The following TUBE1 variants were observed in gnomAD, a reference collection of about 807,000 sequenced individuals.
TUBE1 encodes tubulin epsilon 1.
Under a neutral mutation model 53.5 loss-of-function variants are expected in TUBE1, and 34 were observed. The ratio of observed to expected loss-of-function variants is 0.64; its 90% CI spans 0.48 to 0.85. The LOEUF (loss-of-function observed/expected upper bound fraction) is 0.85. TUBE1 is among the 40% of genes least tolerant of loss of function. The pLI is 0.00. For missense variants in TUBE1, 532 were observed against 570.5 expected (o/e 0.93, Z 0.69); for synonymous variants, 177 against 198.4 (o/e 0.89, Z 0.91).
chr6:112,072,105 G>C, intron 10 of TUBE1, 29 bp from the exon 11 acceptor site: 1 of 1,542,300 alleles, frequency 6.5e-7, no homozygotes. Context: ...ATCTCAGAAG[G>C]TGAGAACTAA....
At chr6:112,079,505 C>CA (rs1248332608) in intron 6 of TUBE1, 128 bp downstream of exon 6, 32 of 831,850 alleles carry the variant, frequency 3.8e-5, no homozygotes, top group Non-Finnish European at 5.6e-5. Flanking sequence ...TTTATATACT[C>CA]AAACTACACA....
Position 112,084,721 on chromosome 6 carries a change from G to C in TUBE1, c.153-475C>G, listed in dbSNP as rs587634818. Among the ~76,000 whole-genome samples, 3 of 152,298 alleles carry C rather than the reference G, an allele frequency of 2.0e-5. No individual in the cohort carries two copies. In the East Asian group the frequency reaches 5.8e-4, roughly 29 times the overall value. On this transcript the variant is annotated intron_variant, in intron 3 of 11. Transcript: ENST00000368662. ...GCATTCCTTTAAACCTAGAACATCT[G>C]ATTTGCAGATTTGTGAGATAAATGA...
At chr6:112,085,625 A>G (rs1554317219) in intron 3 of TUBE1, 1 of 470,518 alleles carries the variant, frequency 2.1e-6, no homozygotes, top group Admixed American at 2.3e-5. Context: ...TATATGACAG[A>G]TATCTCCATA....
intron 3 of TUBE1, 69 bp from the exon 4 acceptor site, chr6:112,084,315 G>A: frequency 1.6e-6 from 2 of 1,282,842 alleles, no homozygotes; most frequent in Non-Finnish European, 2.3e-6. Context: ...AGGTGATAAA[G>A]TTAACTTCCA....
In TUBE1 at chr6:112,085,597, A is replaced by G. The variant is rs989553001; in HGVS notation, c.152+959T>C. On this transcript the variant is annotated intron_variant, in intron 3 of 11. Transcript: ENST00000368662. ...GGTGAGGATATTGTGGGCTACAAAT[A>G]AGAGGGAATCTATAGTCTATATGAC... 46 of 459,522 alleles carry G rather than the reference A, an allele frequency of 1.0e-4. No individual in the cohort carries two copies. The East Asian group carries it at 3.1e-3, about 31-fold the overall frequency. 28.5% of individuals were successfully genotyped at this position (459,522 alleles called of 1,614,324 possible). A position where few individuals can be genotyped will look rare whatever the true frequency, so the allele number is the denominator to read the frequency against.
chr6:112,086,632 T>C lies in TUBE1; in HGVS notation c.100-24A>G, dbSNP rs782360639. 8 of 1,532,832 alleles carry C rather than the reference T, an allele frequency of 5.2e-6. No individual in the cohort carries two copies. The African/African-American group carries it at 8.2e-5, about 16-fold the overall frequency. 95.0% of individuals were successfully genotyped at this position (1,532,832 alleles called of 1,614,324 possible). On this transcript the variant is annotated intron_variant, in intron 2 of 11. Coordinates refer to ENST00000368662, the MANE Select transcript of TUBE1 (RefSeq NM_016262.5). ...TTCTAAAAAGAAAAACATATGTTAA[T>C]AGCATTTAGGTTTTGCTTCTCGCCC...
Position 112,076,523 on chromosome 6 carries a change from T to G in TUBE1, c.449-14A>C, listed in dbSNP as rs1776974073. 6.4e-7 allele frequency: 1 copy of G among 1,560,652 alleles called. No individual in the cohort carries two copies. The highest frequency in any genetic ancestry group is 8.6e-7 in the Non-Finnish European group (1 of 1,156,362). The stretch of plus-strand genomic sequence containing the variant: ...CAGATCCTGTTCCTGAGGATTAAAG[T>G]GTTTTTAAAAATTAGCATAAATGAT... On this transcript the variant is annotated splice_polypyrimidine_tract_variant and intron_variant, in intron 6 of 11. Transcript: ENST00000368662.
intron 4 of TUBE1, among the ~76,000 whole-genome samples, 200 bp from the exon 5 acceptor site, chr6:112,081,407 A>T (rs1186579871): frequency 1.3e-5 from 2 of 152,074 alleles, no homozygotes; most frequent in Non-Finnish European, 2.9e-5. Context: ...TAAAAAATGG[A>T]TTCTAAATTC....
intron 4 of TUBE1, among the ~76,000 whole-genome samples, chr6:112,083,618 C>G (rs587646938): frequency 6.6e-5 from 10 of 152,256 alleles, no homozygotes; most frequent in African/African-American, 2.4e-4. Context: ...GCGCCCAGCA[C>G]CTTCCATAAC....
rs144370746 is a variant in TUBE1 at position 112,071,987 on chromosome 6, G to A, written c.1184C>T (p.Ser395Leu). The A allele has an allele frequency of 3.7e-6, 6 of 1,612,920 alleles. No individual in the cohort carries two copies. Among genetic ancestry groups the A allele is most frequent in the African/African-American group, 2.7e-5 (2 of 74,912 alleles). ...CSVPPVGHSHSLLALANNTCV... is the reference protein window; with the variant it reads ...CSVPPVGHSHLLLALANNTCV... ...TGTGTTATTTGCTAAAGCTAATAACGAATGAGAATGGCCCACAGGAGGTAC... is the reference window on the plus strand; with the variant it reads ...TGTGTTATTTGCTAAAGCTAATAACAAATGAGAATGGCCCACAGGAGGTAC... The change falls in exon 11 of 12, where the codon TCG becomes TTG. Residue 395 changes from serine to leucine, a missense_variant. By Grantham distance (145) the Ser-to-Leu change is moderately radical. Transcript: ENST00000368662.
chr6:112,079,494 G>T, intron 6 of TUBE1, 139 bp downstream of exon 6: 2 of 685,914 alleles, frequency 2.9e-6, no homozygotes, highest in Non-Finnish European at 4.6e-6. Flanking sequence ...AAAGGTGTAT[G>T]TTTATATACT....
chr6:112,080,786 A>G (rs1554316661), intron 5 of TUBE1, among the ~76,000 whole-genome samples: 1 of 152,116 alleles, frequency 6.6e-6, no homozygotes, highest in African/African-American at 2.4e-5. Context: ...AGTGAGTCAA[A>G]TAACATAGAT....
At chr6:112,077,071 C>T (rs1461864308) in intron 6 of TUBE1, 1 of 152,072 alleles carries the variant, frequency 6.6e-6, no homozygotes, top group African/African-American at 2.4e-5. Context: ...CCACAAGAAC[C>T]AATTGCACAT....
intron 2 of TUBE1, 182 bp downstream of exon 2, chr6:112,087,051 G>C (rs935142012): frequency 1.6e-6 from 1 of 610,760 alleles, no homozygotes; most frequent in African/African-American, 1.9e-5. Flanking sequence ...AAGGTCGCTG[G>C]CCAGTGTTCT....
intron 3 of TUBE1, chr6:112,085,535 G>A: frequency 2.6e-6 from 1 of 382,280 alleles, no homozygotes; most frequent in South Asian, 2.1e-5. Context: ...AAGGAAGTAT[G>A]ACAGAAGCAA....
intron 4 of TUBE1, among the ~76,000 whole-genome samples, chr6:112,083,320 ATTTTT>A (rs587770144): frequency 1.5e-5 from 2 of 131,458 alleles, no homozygotes; most frequent in Non-Finnish European, 3.3e-5. Context: ...CTTCCATAAC[ATTTTT>A]TTTTTTTTTT....
intron 8 of TUBE1, 94 bp downstream of exon 8, chr6:112,075,843 T>C (rs1776955587): frequency 8.4e-7 from 1 of 1,189,316 alleles, no homozygotes; most frequent in Non-Finnish European, 1.2e-6. Context: ...AAGCAGCTTC[T>C]ACAATTTAGA....
intron 11 of TUBE1, 55 bp from the exon 12 acceptor site, chr6:112,071,625 G>C: frequency 7.3e-7 from 1 of 1,376,690 alleles, no homozygotes; most frequent in Non-Finnish European, 1.0e-6. Context: ...TAATACATAA[G>C]ACTATCCTAA....
At chr6:112,081,060 A>G in intron 5 of TUBE1, 32 bp downstream of exon 5, 1 of 1,305,358 alleles carries the variant, frequency 7.7e-7, no homozygotes, top group African/African-American at 1.5e-5. Flanking sequence ...TTTTTTCAGA[A>G]GATATTCAAT....
Sources: allele counts gnomAD v4.1 joint callset (sites outside exome capture counted in the v4.1 genomes callset), GRCh38; gene constraint gnomAD v4.1.1; transcripts MANE v1.5; gene names NCBI Gene and HGNC (gene_info 2026-07-23, HGNC 2026-07-21).